The following ULK2 variants were observed in gnomAD, a reference collection of about 807,000 sequenced individuals.
ULK2 encodes the protein serine/threonine-protein kinase ULK2.
In ULK2, 76 loss-of-function variants were observed where a neutral mutation model predicts 127.5. That is an observed-to-expected ratio of 0.60 (90% CI 0.50 to 0.72). ULK2 has a LOEUF of 0.72. ULK2 is among the 30% of genes least tolerant of loss of function. The pLI, the probability that ULK2 is intolerant of heterozygous loss-of-function variation, is 0.00. For missense variants in ULK2, 1,144 were observed against 1,295.9 expected (o/e 0.88, Z 1.80); for synonymous variants, 452 against 461.9 (o/e 0.98, Z 0.28).
rs2086909598 is a variant in ULK2, at chr17:19,781,098, C to T, written c.2646G>A (p.Val882=). The T allele has an allele frequency of 2.5e-6, 4 of 1,606,734 alleles. No individual in the cohort carries two copies. The highest frequency in any genetic ancestry group is 1.7e-5 in the Admixed American group (1 of 59,830). Residue 882 remains valine (V), a synonymous_variant, in exon 24 of 27, where the codon GTG becomes GTA. Transcript: ENST00000395544. ...CTTTCATGTACAACACCAGCTGCTC[C>T]ACCCGCCTGCACCCAAAAGACAGTA... ...ISQLSKDWGR[V]EQLVLYMKAA...
chr17:19,825,094 T>C lies in ULK2; in HGVS notation c.924A>G (p.Pro308=), dbSNP rs778922597. 1.9e-6 allele frequency: 3 copies of C among 1,613,894 alleles called. No homozygotes were observed. In the African/African-American group the frequency reaches 4.0e-5, roughly 22 times the overall value. Residue 308 remains proline (P), a splice_region_variant and synonymous_variant, in exon 12 of 27, where the codon CCA becomes CCG. Transcript: ENST00000395544. ...TTATTTTTAATAAACTGTAACTTAC[T>C]GGTGGAGAAGCAAAACGACAAGATG... The part of the protein sequence containing the change: ...SSPSCRFASP[P]SLPDMQHIQE...
At chr17:19,861,619 A>G (rs1413148748) in intron 3 of ULK2, among the ~76,000 whole-genome samples, 2 of 152,178 alleles carry the variant, frequency 1.3e-5, no homozygotes, top group East Asian at 3.8e-4. Context: ...GGTTTTCTGT[A>G]TCTCTCCAAG....
chr17:19,839,603 A>G (rs2041687166), intron 9 of ULK2, among the ~76,000 whole-genome samples: 1 of 151,002 alleles, frequency 6.6e-6, no homozygotes, highest in Non-Finnish European at 1.5e-5. Context: ...TGGATGTTGC[A>G]GTGAGCCAAG....
chr17:19,796,273 G>C lies in ULK2; in HGVS notation c.1819C>G (p.Pro607Ala), dbSNP rs1333792057. The C allele has an allele frequency of 6.3e-7, 1 of 1,581,456 alleles. No homozygotes were observed. The highest frequency in any genetic ancestry group is 1.8e-5 in the Admixed American group (1 of 55,174). Residue 607 changes from proline (P) to alanine (A), a missense_variant, in exon 19 of 27, where the codon CCT becomes GCT. Pro to Ala is a conservative substitution (Grantham distance 27). Transcript: ENST00000395544. ...IIGSPTKTTA[P>A]FKIPKTQASS... is the part of the protein sequence containing the mutation. ...GCTTGAGTTTTAGGGATTTTGAAAG[G>C]AGCTGTGGTCTAAAGAGACATATAT...
At chr17:19,853,069 C>A (rs2042051893) in intron 3 of ULK2, among the ~76,000 whole-genome samples, 1 of 151,746 alleles carries the variant, frequency 6.6e-6, no homozygotes, top group African/African-American at 2.4e-5. Flanking sequence ...AAATGACAAG[C>A]CAGACAATTC....
At chr17:19,861,635 G>A (rs1347070144) in intron 3 of ULK2, among the ~76,000 whole-genome samples, 2 of 152,180 alleles carry the variant, frequency 1.3e-5, no homozygotes, top group Non-Finnish European at 2.9e-5. Flanking sequence ...CCAAGATTGG[G>A]AAACTAAAGA....
At chr17:19,777,761 A>T in intron 25 of ULK2, 45 bp from the exon 26 acceptor site, 2 of 1,572,860 alleles carry the variant, frequency 1.3e-6, no homozygotes, top group Non-Finnish European at 1.7e-6. Context: ...TTTTTCCAAG[A>T]AAATACAAAT....
At chr17:19,800,030 G>C (rs2087363794) in intron 16 of ULK2, among the ~76,000 whole-genome samples, 1 of 152,294 alleles carries the variant, frequency 6.6e-6, no homozygotes, top group African/African-American at 2.4e-5. Flanking sequence ...GTTGAAGCGG[G>C]TCAGGGAATT....
rs185623331 is a variant in ULK2 at position 19,867,492 on chromosome 17, G to T, written c.-75C>A. On this transcript the variant is annotated 5_prime_UTR_variant, in exon 1 of 27. Coordinates refer to ENST00000395544, the MANE Select transcript of ULK2 (RefSeq NM_014683.4). ...GCAGGTATCAGCACCGCGGCTCCGC[G>T]GGCCCGGAGCGCGCCAGCGTGCGGC... The T allele has an allele frequency of 5.7e-3, 6,927 of 1,205,136 alleles. 30 individuals carry two copies. Among genetic ancestry groups the T allele is most frequent in the Non-Finnish European group, 6.9e-3 (6,338 of 913,918 alleles). 74.7% of individuals were successfully genotyped at this position (1,205,136 alleles called of 1,614,324 possible).
At chr17:19,800,879 T>C (rs905433834) in intron 16 of ULK2, among the ~76,000 whole-genome samples, 1 of 152,212 alleles carries the variant, frequency 6.6e-6, no homozygotes, top group Non-Finnish European at 1.5e-5. Context: ...TCACACATAT[T>C]TCTGCAGTTT....
At position 19,864,826 on chromosome 17, in the gene ULK2, T is replaced by C; in HGVS notation, c.202A>G (p.Ile68Val). The C allele has an allele frequency of 1.5e-6, 2 of 1,327,044 alleles. No individual in the cohort carries two copies. Among genetic ancestry groups the C allele is most frequent in the South Asian group, 2.1e-5 (1 of 47,312 alleles). The allele number at this position is 1,327,044 out of a possible 1,614,324, so 82.2% of individuals were successfully genotyped here. A position where few individuals can be genotyped will look rare whatever the true frequency, so the allele number is the denominator to read the frequency against. The change falls in exon 3 of 27, where the codon ATT (isoleucine) becomes GTT (valine). Residue 68 changes from isoleucine (I) to valine (V), a missense_variant. Physicochemically the swap from Ile to Val is conservative, Grantham distance 29. Transcript: ENST00000395544. ...KILKELQHEN[I>V]VALYDVQELP... ...ACCTGAACATCATAGAGTGCTACAATATTTTCATGCTGAAGTTCCTATTAA... is the reference window on the plus strand; with the variant it reads ...ACCTGAACATCATAGAGTGCTACAACATTTTCATGCTGAAGTTCCTATTAA...
At chr17:19,843,660 CTT>C (rs1186486092) in intron 7 of ULK2, among the ~76,000 whole-genome samples, 8 of 135,250 alleles carry the variant, frequency 5.9e-5, no homozygotes, top group Non-Finnish European at 6.5e-5. Flanking sequence ...AATATTTTTT[CTT>C]TTTTTTTTTT....
chr17:19,837,229 G>A (rs988557749), intron 10 of ULK2, among the ~76,000 whole-genome samples: 6 of 152,096 alleles, frequency 3.9e-5, no homozygotes, highest in Admixed American at 2.6e-4. Context: ...ATCAGCCTGG[G>A]CAACATGACG....
At position 19,777,530 on chromosome 17, in the gene ULK2, T is replaced by C. The variant is rs367962686; in HGVS notation, c.3052+51A>G. ...CAAGCTCTTTGTACTATGCTTGTGA[T>C]AGACAACTAAAATGAAGTAAAAAAA... On this transcript the variant is annotated intron_variant, in intron 26 of 26. Coordinates refer to ENST00000395544, the MANE Select transcript of ULK2 (RefSeq NM_014683.4). 127 of 1,556,832 alleles carry C rather than the reference T, an allele frequency of 8.2e-5. 1 individual carries two copies. The South Asian group carries it at 1.3e-3, about 15-fold the overall frequency.
intron 1 of ULK2, 31 bp downstream of exon 1, chr17:19,867,296 CG>C: frequency 3.3e-6 from 5 of 1,520,196 alleles, no homozygotes; most frequent in South Asian, 1.2e-5. Context: ...GCCTGCCGCC[CG>C]GGGCCCGGCC....
chr17:19,846,038 ATCTC>A (rs2041872966), intron 6 of ULK2, among the ~76,000 whole-genome samples: 1 of 152,168 alleles, frequency 6.6e-6, no homozygotes, highest in African/African-American at 2.4e-5. Context: ...AGGCAGGAGA[ATCTC>A]TTGAACCTGG....
chr17:19,832,272 T>C (rs1288844768), intron 10 of ULK2, among the ~76,000 whole-genome samples: 2 of 151,822 alleles, frequency 1.3e-5, no homozygotes, highest in East Asian at 3.8e-4. Context: ...TTTTCTTTTT[T>C]TTTTTTTTTC....
At chr17:19,777,373 G>T (rs1269107633) in intron 26 of ULK2, among the ~76,000 whole-genome samples, 1 of 152,192 alleles carries the variant, frequency 6.6e-6, no homozygotes, top group Non-Finnish European at 1.5e-5. Context: ...CCAAAGTGCT[G>T]GGATTACAGG....
chr17:19,802,842 G>C (rs157391), intron 15 of ULK2, among the ~76,000 whole-genome samples: 136,187 of 152,254 alleles, frequency 0.89, 61,631 homozygotes, highest in Non-Finnish European at 0.97. Context: ...ATTTTTACCT[G>C]TGCATGATTT....
Sources: allele counts gnomAD v4.1 joint callset (sites outside exome capture counted in the v4.1 genomes callset), GRCh38; gene constraint gnomAD v4.1.1; transcripts MANE v1.5; gene names NCBI Gene and HGNC (gene_info 2026-07-23, HGNC 2026-07-21).